Variants in CFDP1 observed in about 807,000 individuals in gnomAD.
CFDP1 encodes heterochromatin-stabilizing protein CFDP1.
In CFDP1, 31 loss-of-function variants were observed where a neutral mutation model predicts 40.1. The observed-to-expected ratio is 0.77, with a 90% CI of 0.58 to 1.04. The LOEUF is 1.04. CFDP1 is among the 50% of genes least tolerant of loss of function. The pLI, the probability that CFDP1 is intolerant of heterozygous loss-of-function variation, is 0.00. For synonymous variants in CFDP1, 167 were observed against 120.0 expected, an observed-to-expected ratio of 1.39 and a Z score of -2.56; for missense variants, 423 against 343.4, an observed-to-expected ratio of 1.23 and a Z score of -1.83.
At chr16:75,351,003 AC>A (rs1181958298) in intron 5 of CFDP1, among the ~76,000 whole-genome samples, 1 of 152,118 alleles carries the variant, frequency 6.6e-6, no homozygotes, top group East Asian at 1.9e-4. Context: ...ACAAAAAAAA[AC>A]TGCAAAAACA....
intron 1 of CFDP1, among the ~76,000 whole-genome samples, chr16:75,429,061 G>A (rs910108474): frequency 6.6e-6 from 1 of 151,996 alleles, no homozygotes; most frequent in Non-Finnish European, 1.5e-5. Flanking sequence ...AGGTTGCAGG[G>A]AGCCTAGATG....
chr16:75,354,617 G>A (rs2078634948), intron 5 of CFDP1, among the ~76,000 whole-genome samples: 1 of 152,174 alleles, frequency 6.6e-6, no homozygotes, highest in Non-Finnish European at 1.5e-5. Context: ...AAAAGTACAT[G>A]GCACTCTCTG....
At chr16:75,372,078 G>C (rs1400905396) in intron 5 of CFDP1, 1 of 152,074 alleles carries the variant, frequency 6.6e-6, no homozygotes, top group Non-Finnish European at 1.5e-5. Context: ...ACTATTATTT[G>C]CACCAGGCAA....
chr16:75,361,553 G>T (rs1359248592), intron 5 of CFDP1, among the ~76,000 whole-genome samples: 2 of 152,068 alleles, frequency 1.3e-5, no homozygotes, highest in East Asian at 3.9e-4. Context: ...GGAGGCGGAG[G>T]TTGCTGTGAG....
intron 1 of CFDP1, among the ~76,000 whole-genome samples, chr16:75,421,470 G>C (rs906374023): frequency 6.6e-6 from 1 of 152,112 alleles, no homozygotes; most frequent in African/African-American, 2.4e-5. Flanking sequence ...AAAAAAGATA[G>C]TAAGAATCAG....
chr16:75,405,801 C>A (rs916815085), intron 4 of CFDP1, among the ~76,000 whole-genome samples: 1 of 149,120 alleles, frequency 6.7e-6, no homozygotes, highest in African/African-American at 2.5e-5. Flanking sequence ...CACCTGCAGT[C>A]CTAGCTGCTA....
At chr16:75,318,450 G>T (rs2078339529) in intron 5 of CFDP1, among the ~76,000 whole-genome samples, 1 of 146,014 alleles carries the variant, frequency 6.8e-6, no homozygotes, top group Admixed American at 7.2e-5. Context: ...CTGTCGCCCA[G>T]GCTGGAGTGC....
chr16:75,422,953 G>A (rs2079296747), intron 1 of CFDP1, among the ~76,000 whole-genome samples: 1 of 151,856 alleles, frequency 6.6e-6, no homozygotes, highest in Admixed American at 6.6e-5. Context: ...AGACCAGCTT[G>A]GGCAACATGG....
rs577515311 is a variant in CFDP1 at position 75,387,202 on chromosome 16, G to A, written c.650+7888C>T. 3.7e-4 allele frequency among the ~76,000 whole-genome samples: 55 copies of A among 149,476 alleles called. 2 individuals are homozygous for A. The South Asian group carries it at 0.011, about 29-fold the overall frequency. Reference sequence around the variant, plus strand: ...GTTGCCCAGGCTGGAGTGCAGTGGCGCAATCTCGGCTCACTGCAAGCTCCG... The same window carrying A: ...GTTGCCCAGGCTGGAGTGCAGTGGCACAATCTCGGCTCACTGCAAGCTCCG... On this transcript the variant is annotated intron_variant, in intron 5 of 6. Coordinates refer to ENST00000283882, the MANE Select transcript of CFDP1 (RefSeq NM_006324.3).
intron 5 of CFDP1, among the ~76,000 whole-genome samples, chr16:75,309,771 G>A (rs1338805385): frequency 1.7e-5 from 2 of 116,136 alleles, no homozygotes; most frequent in Non-Finnish European, 3.2e-5. Context: ...AGTGAGCCAA[G>A]ATCATGCCAC....
chr16:75,324,532 A>T (rs532663079), intron 5 of CFDP1: 1 of 152,128 alleles, frequency 6.6e-6, no homozygotes, highest in Non-Finnish European at 1.5e-5. Context: ...ACCTGAGGTC[A>T]GGAGTTTGAG....
At chr16:75,367,771 C>G (rs1456788918) in intron 5 of CFDP1, among the ~76,000 whole-genome samples, 1 of 129,472 alleles carries the variant, frequency 7.7e-6, no homozygotes, top group Non-Finnish European at 1.6e-5. Context: ...CCAGCCTGGG[C>G]GACAGAGTGA....
rs1491381576 is a variant in CFDP1, at chr16:75,316,569, T to TG, written c.651-11388_651-11387insC. 3.4e-4 allele frequency among the ~76,000 whole-genome samples: 9 copies of TG among 26,580 alleles called. 1 individual carries two copies. The highest frequency in any genetic ancestry group is 6.3e-4 in the Non-Finnish European group (8 of 12,606). The allele number at this position is 26,580 out of a possible 152,430, so 17.4% of individuals were successfully genotyped here. A position where few individuals can be genotyped will look rare whatever the true frequency, so the allele number is the denominator to read the frequency against. On this transcript the variant is annotated intron_variant, in intron 5 of 6. Transcript: ENST00000283882. The stretch of plus-strand genomic sequence containing the variant: ...TGGGTTGACAGGATGAGACCCTGTC[T>TG]AAAAAAAAAAAAAAAAAAAAAAAAA...
chr16:75,428,509 C>G (rs778808838), intron 1 of CFDP1, among the ~76,000 whole-genome samples: 1 of 151,612 alleles, frequency 6.6e-6, no homozygotes, highest in African/African-American at 2.4e-5. Context: ...CCCAGCTACT[C>G]GAGAGGCTGA....
At chr16:75,430,423 A>G (rs1232982501) in intron 1 of CFDP1, among the ~76,000 whole-genome samples, 1 of 148,754 alleles carries the variant, frequency 6.7e-6, no homozygotes, top group Non-Finnish European at 1.5e-5. Flanking sequence ...CGCCCACCAC[A>G]GCCTCCCAAA....
intron 6 of CFDP1, among the ~76,000 whole-genome samples, chr16:75,295,540 A>G (rs563835534): frequency 6.6e-6 from 1 of 152,346 alleles, no homozygotes; most frequent in African/African-American, 2.4e-5. Context: ...GCCAGCTTCC[A>G]ACAGGCTCCC....
chr16:75,389,702 G>A (rs968344759), intron 5 of CFDP1, among the ~76,000 whole-genome samples: 3 of 152,148 alleles, frequency 2.0e-5, no homozygotes, highest in Admixed American at 2.0e-4. Flanking sequence ...ACTTGACTGT[G>A]TTAATTTTCT....
intron 6 of CFDP1, among the ~76,000 whole-genome samples, chr16:75,303,950 G>C (rs2078240958): frequency 6.6e-6 from 1 of 152,270 alleles, no homozygotes; most frequent in African/African-American, 2.4e-5. Flanking sequence ...TCATGGCTAG[G>C]GGTGAGGACT....
chr16:75,321,416 T>C (rs2078362691), intron 5 of CFDP1, among the ~76,000 whole-genome samples: 1 of 152,232 alleles, frequency 6.6e-6, no homozygotes, highest in African/African-American at 2.4e-5. Context: ...AAGCCCCTTA[T>C]ATCCAGTAGC....
Sources: allele counts gnomAD v4.1 joint callset (sites outside exome capture counted in the v4.1 genomes callset), GRCh38; gene constraint gnomAD v4.1.1; transcripts MANE v1.5; gene names NCBI Gene and HGNC (gene_info 2026-07-23, HGNC 2026-07-21).